The following CAMTA1 variants were observed in gnomAD, a reference collection of about 807,000 sequenced individuals.
The protein encoded by CAMTA1 is calmodulin binding transcription activator 1, also known as calmodulin-binding transcription activator 1.
In CAMTA1, 27 loss-of-function variants were observed where a neutral mutation model predicts 170.9. That is an observed-to-expected ratio of 0.16 (90% CI 0.12 to 0.22). The LOEUF is 0.22. CAMTA1 is among the 10% of genes least tolerant of loss of function. The pLI, the probability that CAMTA1 is intolerant of heterozygous loss-of-function variation, is 1.00. For synonymous variants in CAMTA1, 833 were observed against 891.5 expected (o/e 0.93, Z 1.17); for missense variants, 1,619 against 2,217.2 (o/e 0.73, Z 5.42).
intron 12 of CAMTA1, among the ~76,000 whole-genome samples, chr1:7,735,564 C>T (rs2096765938): frequency 6.6e-6 from 1 of 152,150 alleles, no homozygotes; most frequent in Admixed American, 6.6e-5. Flanking sequence ...TTACTGCCTA[C>T]AGGAAGGCTA....
intron 6 of CAMTA1, among the ~76,000 whole-genome samples, chr1:7,499,083 G>A (rs1411211908): frequency 1.3e-5 from 2 of 149,798 alleles, no homozygotes; most frequent in African/African-American, 4.9e-5. Flanking sequence ...ATGAGTGTGT[G>A]TGTGCATGTG....
rs909362498 is a variant in CAMTA1 at position 7,670,766 on chromosome 1, A to G, written c.2653-145A>G. 5.7e-6 allele frequency: 5 copies of G among 882,874 alleles called. No homozygotes were observed. In the African/African-American group the frequency reaches 8.5e-5, roughly 15 times the overall value. The allele number at this position is 882,874 out of a possible 1,614,324, so 54.7% of individuals were successfully genotyped here. A position where few individuals can be genotyped will look rare whatever the true frequency, so the allele number is the denominator to read the frequency against. ...GTTCTCAGAAGTCGGGGCTCACTGC[A>G]ATCCCTGGAGTGAGGGCCTGGGAAT... On this transcript the variant is annotated intron_variant, in intron 9 of 22. Coordinates refer to ENST00000303635, the MANE Select transcript of CAMTA1 (RefSeq NM_015215.4).
chr1:6,965,780 C>T lies in CAMTA1; in HGVS notation c.235-125524C>T, dbSNP rs918291924. 5.3e-5 allele frequency among the ~76,000 whole-genome samples: 8 copies of T among 152,226 alleles called. No individual in the cohort carries two copies. Among genetic ancestry groups the T allele is most frequent in the Non-Finnish European group, 7.4e-5 (5 of 68,020 alleles). ...GACAAAAGCTGCATTTGCATATCGC[C>T]GTGATGAGGTCTGGATGGAGCCTGA... On this transcript the variant is annotated intron_variant, in intron 3 of 22. Coordinates refer to ENST00000303635, the MANE Select transcript of CAMTA1 (RefSeq NM_015215.4). The surrounding 1 kb of genome is among the most constrained non-coding windows in gnomAD (Gnocchi z 4.1).
In CAMTA1 at chr1:7,736,847, A is replaced by G; in HGVS notation, c.3264-84A>G. On this transcript the variant is annotated intron_variant, in intron 13 of 22. Transcript: ENST00000303635. The surrounding 1 kb of genome is among the most constrained non-coding windows in gnomAD (Gnocchi z 4.5). ...GATGTTATATACCCAGTTGGGTTTC[A>G]TCTTGGTGGGGTTTTATAATATTCT... 1.7e-6 allele frequency: 2 copies of G among 1,152,472 alleles called. No individual in the cohort carries two copies. The highest frequency in any genetic ancestry group is 1.3e-6 in the Non-Finnish European group (1 of 781,452). 71.4% of individuals were successfully genotyped at this position (1,152,472 alleles called of 1,614,324 possible). A position where few individuals can be genotyped will look rare whatever the true frequency, so the allele number is the denominator to read the frequency against.
At chr1:7,496,313 G>A (rs147958792) in intron 6 of CAMTA1, among the ~76,000 whole-genome samples, 349 of 152,334 alleles carry the variant, frequency 2.3e-3, no homozygotes, top group African/African-American at 8.1e-3. Context: ...ACGTGAGCTC[G>A]TGACTTTCCG....
chr1:7,467,797 C>T (rs1042012432), intron 5 of CAMTA1, 33 bp from the exon 6 acceptor site: 1 of 1,570,992 alleles, frequency 6.4e-7, no homozygotes. Context: ...TTCCCTCTTT[C>T]CAACTGAATT....
intron 5 of CAMTA1, among the ~76,000 whole-genome samples, chr1:7,344,611 T>A (rs541998389): frequency 6.6e-6 from 1 of 152,112 alleles, no homozygotes; most frequent in South Asian, 2.1e-4. Context: ...AGGTCAGACT[T>A]CTTAATTGTT....
intron 6 of CAMTA1, among the ~76,000 whole-genome samples, chr1:7,608,866 G>T (rs1408451029): frequency 1.3e-5 from 2 of 152,152 alleles, no homozygotes; most frequent in African/African-American, 2.4e-5. Context: ...CTGAACAGGG[G>T]CTCTTCAAGA....
chr1:7,707,285 G>C (rs1017673419), intron 11 of CAMTA1, among the ~76,000 whole-genome samples: 1 of 152,196 alleles, frequency 6.6e-6, no homozygotes, highest in Non-Finnish European at 1.5e-5. Context: ...AATCCAGTAC[G>C]TGAATAACAA....
chr1:6,853,484 A>G (rs1159363690), intron 3 of CAMTA1, among the ~76,000 whole-genome samples: 2 of 152,200 alleles, frequency 1.3e-5, no homozygotes, highest in Admixed American at 6.5e-5. Flanking sequence ...GTAGTAGTAA[A>G]ACTTGATTAA....
intron 4 of CAMTA1, among the ~76,000 whole-genome samples, chr1:7,133,062 A>G (rs11120859): frequency 0.62 from 94,596 of 152,000 alleles, 30,027 homozygotes; most frequent in African/African-American, 0.75. Context: ...TCCTTATAAC[A>G]TCTTAGTCTG....
At chr1:7,765,560 T>G (rs2097014976) in intron 22 of CAMTA1, among the ~76,000 whole-genome samples, 1 of 152,170 alleles carries the variant, frequency 6.6e-6, no homozygotes. Context: ...GGAACCTAAA[T>G]GTCTTTTTAA....
intron 3 of CAMTA1, among the ~76,000 whole-genome samples, chr1:6,954,349 C>G (rs562426003): frequency 6.6e-6 from 1 of 152,334 alleles, no homozygotes; most frequent in African/African-American, 2.4e-5. Context: ...AGGAGTAACG[C>G]TCCTATTGCT....
At chr1:6,950,863 G>A (rs1471774955) in intron 3 of CAMTA1, among the ~76,000 whole-genome samples, 4 of 152,216 alleles carry the variant, frequency 2.6e-5, no homozygotes, top group Non-Finnish European at 5.9e-5. Flanking sequence ...GGATGCCCAG[G>A]GAGGGGCTTC....
chr1:7,081,857 T>C (rs769828316), intron 3 of CAMTA1, among the ~76,000 whole-genome samples: 5 of 152,236 alleles, frequency 3.3e-5, no homozygotes, highest in Non-Finnish European at 7.3e-5. Flanking sequence ...ATAAGCCAAA[T>C]GGGAAGAAGA....
In CAMTA1 at chr1:7,767,710, AAAG is replaced by A. The variant is rs747912673; in HGVS notation, c.*1222_*1224del. The A allele has an allele frequency of 7.8e-5, 12 of 152,874 alleles. No individual in the cohort carries two copies. The highest frequency in any genetic ancestry group is 1.9e-4 in the East Asian group (1 of 5,326). The allele number at this position is 152,874 out of a possible 1,614,324, so 9.5% of individuals were successfully genotyped here. On this transcript the variant is annotated 3_prime_UTR_variant, in exon 23 of 23. Transcript: ENST00000303635. ...GAGATATGTGCATGAAATCAAGAAA[AAAG>A]AAATGAACAAAAGCAAAGCATTAGT...
At chr1:7,075,603 C>T (rs1477116967) in intron 3 of CAMTA1, among the ~76,000 whole-genome samples, 1 of 152,020 alleles carries the variant, frequency 6.6e-6, no homozygotes, top group Non-Finnish European at 1.5e-5. Flanking sequence ...TCTGACTTCT[C>T]CAGCCTGTGT....
intron 5 of CAMTA1, among the ~76,000 whole-genome samples, chr1:7,266,496 G>A (rs1558330614): frequency 6.6e-6 from 1 of 152,236 alleles, no homozygotes. Flanking sequence ...AGTCCACGAT[G>A]TGCCACACTT....
chr1:6,923,248 T>G (rs1682408629), intron 3 of CAMTA1, among the ~76,000 whole-genome samples: 1 of 152,078 alleles, frequency 6.6e-6, no homozygotes, highest in Non-Finnish European at 1.5e-5. Flanking sequence ...TGCAGTGGTA[T>G]GTGGAAGCGA....
Sources: gnomAD v4.1 joint callset for allele counts (sites outside exome capture counted in the v4.1 genomes callset) on GRCh38, gnomAD v4.1.1 for gene constraint, Gnocchi (gnomAD v3.1) non-coding constraint, MANE v1.5 for transcripts, NCBI Gene and HGNC (gene_info 2026-07-23, HGNC 2026-07-21) for gene names.